Variants in CRACR2A observed in about 807,000 individuals in gnomAD.
The protein encoded by CRACR2A is EF-hand calcium-binding domain-containing protein 4B.
In CRACR2A, 79 loss-of-function variants were observed where a neutral mutation model predicts 90.5. The observed-to-expected ratio is 0.87, with a 90% confidence interval of 0.73 to 1.05. CRACR2A has a LOEUF of 1.05. Ranked by LOEUF, CRACR2A falls within the 50% of genes least tolerant of loss-of-function variation. CRACR2A has a pLI of 0.00. For synonymous variants in CRACR2A, 338 were observed against 356.7 expected, an observed-to-expected ratio of 0.95 and a Z score of 0.59; for missense variants, 823 against 897.2, an observed-to-expected ratio of 0.92 and a Z score of 1.06.
At chr12:3,682,079 T>C (rs1223608167) in intron 4 of CRACR2A, among the ~76,000 whole-genome samples, 2 of 152,196 alleles carry the variant, frequency 1.3e-5, no homozygotes, top group Non-Finnish European at 2.9e-5. Context: ...AGAGTCAATT[T>C]TGCAAGCAGG....
intron 2 of CRACR2A, among the ~76,000 whole-genome samples, chr12:3,720,416 G>GAAAGAAAGA (rs1946147262): frequency 9.4e-6 from 1 of 106,634 alleles, no homozygotes; most frequent in East Asian, 2.9e-4. Flanking sequence ...TGAGAGAGAG[G>GAAAGAAAGA]AAGAAAGAAA....
chr12:3,638,602 C>T (rs1018099573), intron 13 of CRACR2A, 148 bp from the exon 14 acceptor site: 3 of 875,200 alleles, frequency 3.4e-6, no homozygotes, highest in East Asian at 2.7e-5. Flanking sequence ...AACAAACCAG[C>T]CAGCATTCTG....
chr12:3,656,200 C>T, intron 9 of CRACR2A, 111 bp downstream of exon 9: 1 of 987,110 alleles, frequency 1.0e-6, no homozygotes, highest in Non-Finnish European at 1.6e-6. Context: ...TAGTTCTTCT[C>T]AGGTTAAAAA....
intron 3 of CRACR2A, among the ~76,000 whole-genome samples, chr12:3,703,014 A>G (rs1945856335): frequency 2.0e-5 from 3 of 152,368 alleles, no homozygotes; most frequent in East Asian, 3.9e-4. Context: ...TTTGGCAAAG[A>G]TGCAAGGCAA....
chr12:3,739,849 G>A (rs546493538), intron 1 of CRACR2A, among the ~76,000 whole-genome samples: 1 of 151,256 alleles, frequency 6.6e-6, no homozygotes, highest in African/African-American at 2.4e-5. Flanking sequence ...CAGGAGAATC[G>A]CTTGAACCAG....
rs1265487232 is a variant in CRACR2A, at chr12:3,619,364, CA to C, written c.1940del (p.Val647GlyfsTer36). The C allele has an allele frequency of 6.4e-7, 1 of 1,551,640 alleles. No homozygotes were observed. Among genetic ancestry groups the C allele is most frequent in the South Asian group, 1.2e-5 (1 of 84,056 alleles). On this transcript the variant is annotated frameshift_variant, in exon 18 of 20. Transcript: ENST00000440314. LOFTEE classifies it high-confidence loss of function. ...GCAGAAGAACAGGCACCCGGTCTCC[CA>C]CAGCTTCCTGCAGAACAGAAAATGT... ...RRWLSSVEEA[V>X]GDRVPVLLLG...
chr12:3,732,743 A>C (rs1946380778), intron 2 of CRACR2A, 199 bp downstream of exon 2: 1 of 152,266 alleles, frequency 6.6e-6, no homozygotes, highest in Admixed American at 6.5e-5. Flanking sequence ...ACAAGCAAAA[A>C]ACATGAGATC....
At chr12:3,731,214 C>T (rs1014760448) in intron 2 of CRACR2A, 2 of 152,422 alleles carry the variant, frequency 1.3e-5, no homozygotes, top group South Asian at 2.1e-4. Context: ...TGATGCACTC[C>T]CAGCCTCTCT....
intron 17 of CRACR2A, among the ~76,000 whole-genome samples, chr12:3,624,617 T>C (rs947680287): frequency 3.3e-5 from 5 of 152,216 alleles, no homozygotes; most frequent in Non-Finnish European, 7.4e-5. Context: ...TGGTCTATCA[T>C]ACTGAGTCCC....
intron 3 of CRACR2A, among the ~76,000 whole-genome samples, chr12:3,702,058 T>C (rs1395842353): frequency 6.6e-6 from 1 of 152,192 alleles, no homozygotes; most frequent in South Asian, 2.1e-4. Context: ...TTTTAAAAGA[T>C]AAACCTTTTG....
intron 11 of CRACR2A, among the ~76,000 whole-genome samples, chr12:3,645,784 G>A (rs1369048061): frequency 1.3e-5 from 2 of 152,240 alleles, no homozygotes; most frequent in Non-Finnish European, 2.9e-5. Flanking sequence ...AAGTTTTGTT[G>A]TAAAGGGGTT....
At chr12:3,708,155 C>T (rs985364371) in intron 3 of CRACR2A, among the ~76,000 whole-genome samples, 2 of 152,212 alleles carry the variant, frequency 1.3e-5, no homozygotes, top group Non-Finnish European at 2.9e-5. Context: ...GATTGACCCA[C>T]TTTGTCCACA....
At chr12:3,686,966 T>A (rs1174592702) in intron 4 of CRACR2A, among the ~76,000 whole-genome samples, 1 of 152,100 alleles carries the variant, frequency 6.6e-6, no homozygotes, top group East Asian at 1.9e-4. Flanking sequence ...TTTCTCCAGG[T>A]TTCTCAGGGA....
rs147986489 is a variant in CRACR2A at position 3,621,851 on chromosome 12, G to T, written c.1933-2479C>A. On this transcript the variant is annotated intron_variant, in intron 17 of 19. Transcript: ENST00000440314. ...CCTGCAGGGACCCTGGCCTGCCACC[G>T]ATAAAGGAGAAACAGACTCATCTCC... Among the ~76,000 whole-genome samples the T allele has an allele frequency of 3.6e-3, 551 of 151,828 alleles. 4 individuals are homozygous for T. The highest frequency in any genetic ancestry group is 0.013 in the African/African-American group (527 of 41,388).
chr12:3,716,335 A>G (rs1946081993), intron 2 of CRACR2A, among the ~76,000 whole-genome samples: 1 of 152,164 alleles, frequency 6.6e-6, no homozygotes, highest in Non-Finnish European at 1.5e-5. Context: ...CAGTTCTTCA[A>G]AGAAGTCCTT....
chr12:3,699,450 T>C (rs771306273), intron 3 of CRACR2A, among the ~76,000 whole-genome samples: 16 of 152,184 alleles, frequency 1.1e-4, no homozygotes, highest in Non-Finnish European at 1.8e-4. Flanking sequence ...GGGATTTCAA[T>C]AATGGTGACT....
chr12:3,653,771 C>T (rs1944843231), intron 10 of CRACR2A, among the ~76,000 whole-genome samples: 1 of 152,146 alleles, frequency 6.6e-6, no homozygotes, highest in Admixed American at 6.5e-5. Context: ...CTCCCTGCTT[C>T]CCTCTGGTCC....
chr12:3,699,465 G>C (rs1320032907), intron 3 of CRACR2A, among the ~76,000 whole-genome samples: 1 of 152,192 alleles, frequency 6.6e-6, no homozygotes, highest in African/African-American at 2.4e-5. Context: ...GTGACTGATA[G>C]TTGGGGAAGA....
intron 10 of CRACR2A, among the ~76,000 whole-genome samples, chr12:3,651,167 T>C (rs929864152): frequency 6.6e-6 from 1 of 152,234 alleles, no homozygotes; most frequent in Non-Finnish European, 1.5e-5. Context: ...AGGGGAGGGA[T>C]GCGCTATGGA....
Sources: gnomAD v4.1 joint callset for allele counts (sites outside exome capture counted in the v4.1 genomes callset) on GRCh38, gnomAD v4.1.1 for gene constraint, MANE v1.5 for transcripts, NCBI Gene and HGNC (gene_info 2026-07-23, HGNC 2026-07-21) for gene names.